The following CATSPERE variants were observed in gnomAD, a reference collection of about 807,000 sequenced individuals.
CATSPERE encodes the protein catsper channel auxiliary subunit epsilon.
A neutral mutation model predicts 114.1 loss-of-function variants in CATSPERE; 93 were observed. That is an observed-to-expected ratio of 0.81 (90% CI 0.69 to 0.97). The LOEUF is 0.97. Among genes scored for constraint, CATSPERE ranks in the 50% least tolerant of loss-of-function variants. The pLI is 0.00. For synonymous variants in CATSPERE, 341 were observed against 384.1 expected (o/e 0.89, Z 1.31); for missense variants, 1,058 against 1,131.6 (o/e 0.93, Z 0.93).
At chr1:244,616,696 C>G (rs1395409646) in intron 19 of CATSPERE, among the ~76,000 whole-genome samples, 1 of 152,240 alleles carries the variant, frequency 6.6e-6, no homozygotes, top group Non-Finnish European at 1.5e-5. Flanking sequence ...ATCCAAACTC[C>G]TGGTGGGACC....
intron 11 of CATSPERE, among the ~76,000 whole-genome samples, chr1:244,574,793 A>G (rs956153754): frequency 6.6e-6 from 1 of 152,216 alleles, no homozygotes; most frequent in African/African-American, 2.4e-5. Context: ...TTAAGTTTCT[A>G]AGAAACTTAA....
intron 20 of CATSPERE, among the ~76,000 whole-genome samples, chr1:244,627,596 G>A (rs1673376022): frequency 6.6e-6 from 1 of 151,916 alleles, no homozygotes; most frequent in African/African-American, 2.4e-5. Flanking sequence ...TTGAAATACT[G>A]TGAGAATTAC....
chr1:244,474,539 ATTG>A (rs993047217), intron 2 of CATSPERE, among the ~76,000 whole-genome samples: 1 of 151,154 alleles, frequency 6.6e-6, no homozygotes, highest in Non-Finnish European at 1.5e-5. Flanking sequence ...ATTTGATTAT[ATTG>A]TTTTTATTAT....
At chr1:244,594,459 A>G (rs978627155) in intron 17 of CATSPERE, among the ~76,000 whole-genome samples, 2 of 152,250 alleles carry the variant, frequency 1.3e-5, no homozygotes, top group East Asian at 1.9e-4. Context: ...TATAAAAGTT[A>G]TACAGCTTGT....
chr1:244,597,118 A>G (rs1245552160), intron 17 of CATSPERE, among the ~76,000 whole-genome samples: 1 of 152,110 alleles, frequency 6.6e-6, no homozygotes, highest in East Asian at 1.9e-4. Flanking sequence ...TTCCCTCTCT[A>G]CTGACTCATC....
chr1:244,606,457 C>A lies in CATSPERE; in HGVS notation c.2403+663C>A, dbSNP rs75218144. Among the ~76,000 whole-genome samples, 380 of 149,736 alleles carry A rather than the reference C, an allele frequency of 2.5e-3. 4 individuals are homozygous for A. Among genetic ancestry groups the A allele is most frequent in the East Asian group, 0.014 (71 of 5,104 alleles). On this transcript the variant is annotated intron_variant, in intron 18 of 21. Transcript: ENST00000366534. ...AGATTTCACTCGCAAAAAAAAAAAA[C>A]ACAAAAAACAGGGATGGCTCTTTCC...
In CATSPERE at chr1:244,572,044, C is replaced by T. The variant is rs542911610; in HGVS notation, c.1508-286C>T. 2.8e-3 allele frequency among the ~76,000 whole-genome samples: 422 copies of T among 152,254 alleles called. 2 individuals are homozygous for T. The highest frequency in any genetic ancestry group is 5.0e-3 in the Non-Finnish European group (338 of 68,024). On this transcript the variant is annotated intron_variant, in intron 10 of 21. Coordinates refer to ENST00000366534, the MANE Select transcript of CATSPERE (RefSeq NM_001130957.2). ...GAATTCCTAATAGCTCTATTCCTGC[C>T]ATGCTCATCCTTGTTATTACTGAAT... is the stretch of plus-strand genomic sequence containing the variant.
intron 11 of CATSPERE, 57 bp from the exon 12 acceptor site, chr1:244,581,738 TG>T: frequency 1.4e-6 from 1 of 733,828 alleles, no homozygotes; most frequent in South Asian, 1.6e-5. Flanking sequence ...GCTACTAAAG[TG>T]GGATCACCAC....
chr1:244,540,055 T>C (rs1658385250), intron 8 of CATSPERE, among the ~76,000 whole-genome samples: 1 of 151,274 alleles, frequency 6.6e-6, no homozygotes, highest in Admixed American at 6.6e-5. Context: ...AATATCATAC[T>C]GAATGGGCAA....
intron 8 of CATSPERE, among the ~76,000 whole-genome samples, chr1:244,545,165 A>C (rs1659530037): frequency 6.6e-6 from 1 of 152,192 alleles, no homozygotes; most frequent in Admixed American, 6.5e-5. Flanking sequence ...AAAAAATCCA[A>C]CTCAAATATG....
At chr1:244,589,616 T>G (rs1667460509) in intron 14 of CATSPERE, among the ~76,000 whole-genome samples, 1 of 152,144 alleles carries the variant, frequency 6.6e-6, no homozygotes, top group African/African-American at 2.4e-5. Flanking sequence ...TGAATCAAAA[T>G]CTGCATTTTA....
chr1:244,627,318 G>A (rs1317242742), intron 20 of CATSPERE, among the ~76,000 whole-genome samples: 1 of 152,096 alleles, frequency 6.6e-6, no homozygotes, highest in Non-Finnish European at 1.5e-5. Context: ...AGTGAAAAAG[G>A]CTGGCACTTT....
intron 8 of CATSPERE, among the ~76,000 whole-genome samples, chr1:244,520,334 A>G (rs184915248): frequency 4.6e-5 from 7 of 152,244 alleles, no homozygotes; most frequent in Middle Eastern, 3.4e-3. Flanking sequence ...TAGGGGTCCA[A>G]ATGGATTCTT....
intron 4 of CATSPERE, among the ~76,000 whole-genome samples, chr1:244,479,024 G>A (rs1405900042): frequency 7.6e-5 from 5 of 65,752 alleles, no homozygotes; most frequent in African/African-American, 2.1e-4. Flanking sequence ...GCCAAACTTC[G>A]TCTCAAAAAA....
intron 7 of CATSPERE, among the ~76,000 whole-genome samples, chr1:244,518,367 T>A (rs1413367887): frequency 2.0e-5 from 3 of 152,092 alleles, no homozygotes; most frequent in Admixed American, 1.3e-4. Context: ...GTGTGTAGAG[T>A]TTTTGACGAG....
chr1:244,528,785 C>CCACACACGCGCACACACA (rs749801424), intron 8 of CATSPERE, among the ~76,000 whole-genome samples: 5 of 130,584 alleles, frequency 3.8e-5, no homozygotes, highest in African/African-American at 1.5e-4. Flanking sequence ...CAATCCCCCA[C>CCACACACGCGCACACACA]CACACACACA....
At chr1:244,459,059 G>C (rs1323232827), upstream of CATSPERE, among the ~76,000 whole-genome samples, 1 of 151,406 alleles carries the variant, frequency 6.6e-6, no homozygotes, top group Non-Finnish European at 1.5e-5. Flanking sequence ...CCAACTCATA[G>C]GTATTTGAGG....
chr1:244,598,619 CT>C, intron 17 of CATSPERE: 9 of 356,306 alleles, frequency 2.5e-5, no homozygotes, highest in South Asian at 1.2e-4. Flanking sequence ...GCTTGCCTCC[CT>C]TTTCCACGGT....
chr1:244,616,943 G>C (rs1166745008), intron 19 of CATSPERE, among the ~76,000 whole-genome samples: 1 of 152,202 alleles, frequency 6.6e-6, no homozygotes. Flanking sequence ...GGATCTAAGA[G>C]GACCCAGAAC....
Sources: gnomAD v4.1 joint callset for allele counts (sites outside exome capture counted in the v4.1 genomes callset) on GRCh38, gnomAD v4.1.1 for gene constraint, MANE v1.5 for transcripts, NCBI Gene and HGNC (gene_info 2026-07-23, HGNC 2026-07-21) for gene names.